Variants in RETREG1 observed in about 807,000 individuals in gnomAD.
RETREG1 encodes family with sequence similarity 134 member B.
Under a neutral mutation model 54.8 loss-of-function variants are expected in RETREG1, and 44 were observed. The observed-to-expected ratio is 0.80, with a 90% CI of 0.63 to 1.03. RETREG1 has a LOEUF of 1.03. RETREG1 is among the 50% of genes least tolerant of loss of function. The probability of loss-of-function intolerance (pLI) is 0.00; values close to 1 mark genes in which losing one functional copy is unlikely to be tolerated. For synonymous variants in RETREG1, 217 were observed against 238.5 expected, an observed-to-expected ratio of 0.91 and a Z score of 0.83; for missense variants, 554 against 605.1, an observed-to-expected ratio of 0.92 and a Z score of 0.89.
intron 3 of RETREG1, among the ~76,000 whole-genome samples, chr5:16,519,015 A>G (rs558606892): frequency 6.1e-4 from 93 of 152,338 alleles, no homozygotes; most frequent in African/African-American, 2.2e-3. Context: ...GTGGAAGAGG[A>G]TATTTTTCTC....
At chr5:16,506,120 G>A (rs1008150293) in intron 3 of RETREG1, among the ~76,000 whole-genome samples, 4 of 152,230 alleles carry the variant, frequency 2.6e-5, no homozygotes, top group African/African-American at 7.2e-5. Context: ...GGCACGCATG[G>A]CAGTCTGCCC....
At chr5:16,520,327 T>C (rs1740493488) in intron 3 of RETREG1, among the ~76,000 whole-genome samples, 1 of 151,236 alleles carries the variant, frequency 6.6e-6, no homozygotes. Flanking sequence ...GTTTTTTTTT[T>C]GTTGTTGTTG....
rs386403108 is a variant in RETREG1 at position 16,527,800 on chromosome 5, A to ATTTTTTTTTTTTTTT, written c.458+37948_458+37962dup. Among the ~76,000 whole-genome samples, 367 of 66,248 alleles carry ATTTTTTTTTTTTTTT rather than the reference A, an allele frequency of 5.5e-3. 90 individuals carry two copies. Among genetic ancestry groups the ATTTTTTTTTTTTTTT allele is most frequent in the East Asian group, 0.01 (18 of 1,796 alleles). The allele number at this position is 66,248 out of a possible 152,430, so 43.5% of individuals were successfully genotyped here. A position where few individuals can be genotyped will look rare whatever the true frequency, so the allele number is the denominator to read the frequency against. On this transcript the variant is annotated intron_variant, in intron 3 of 8. Transcript: ENST00000306320. ...CTTAGTACAATTTCGAGGGACTCTA[A>ATTTTTTTTTTTTTTT]TTTTTTTTTTTTTTTTTTTTTTTTT...
intron 1 of RETREG1, among the ~76,000 whole-genome samples, chr5:16,590,814 A>C (rs1742744238): frequency 6.6e-6 from 1 of 150,714 alleles, no homozygotes; most frequent in African/African-American, 2.5e-5. Context: ...AAAAACACAC[A>C]GACATGCAAA....
chr5:16,522,100 G>A (rs1740551526), intron 3 of RETREG1, among the ~76,000 whole-genome samples: 1 of 152,078 alleles, frequency 6.6e-6, no homozygotes, highest in Non-Finnish European at 1.5e-5. Flanking sequence ...ATGGGGCTTG[G>A]GAAATGTGTT....
At chr5:16,551,556 A>G (rs776291341) in intron 3 of RETREG1, among the ~76,000 whole-genome samples, 1 of 152,094 alleles carries the variant, frequency 6.6e-6, no homozygotes, top group Non-Finnish European at 1.5e-5. Flanking sequence ...CCTCCCAAAA[A>G]TGTTACCACC....
intron 3 of RETREG1, among the ~76,000 whole-genome samples, chr5:16,518,731 G>A (rs1051958253): frequency 6.6e-6 from 1 of 152,152 alleles, no homozygotes; most frequent in Non-Finnish European, 1.5e-5. Flanking sequence ...TCAAGTCAGA[G>A]CACAGAGTCC....
At chr5:16,570,740 C>T (rs1390916086) in intron 2 of RETREG1, among the ~76,000 whole-genome samples, 1 of 152,192 alleles carries the variant, frequency 6.6e-6, no homozygotes, top group Non-Finnish European at 1.5e-5. Context: ...CATGGAGATG[C>T]CCCACCTCAA....
Position 16,585,830 on chromosome 5 carries a change from G to A in RETREG1, c.321-13728C>T, listed in dbSNP as rs1742613165. 6.6e-6 allele frequency among the ~76,000 whole-genome samples: 1 copy of A among 152,064 alleles called. No homozygotes were observed. The highest frequency in any genetic ancestry group is 1.5e-5 in the Non-Finnish European group (1 of 68,016). The stretch of plus-strand genomic sequence containing the variant: ...ATGGTGGGAGCAGTGGCAAGAGGGA[G>A]TGTGGGGAGGGGGTGCCACATATTT... On this transcript the variant is annotated intron_variant, in intron 1 of 8. Transcript: ENST00000306320. This position sits in a 1 kb window ranked among gnomAD's most constrained non-coding sequence, Gnocchi z 4.5.
chr5:16,480,185 C>T (rs1019976092), intron 5 of RETREG1, among the ~76,000 whole-genome samples: 7 of 151,952 alleles, frequency 4.6e-5, no homozygotes, highest in Admixed American at 1.3e-4. Context: ...CAACCACTGA[C>T]CTGCTTTGTC....
intron 1 of RETREG1, among the ~76,000 whole-genome samples, chr5:16,584,257 AT>A (rs1221257167): frequency 6.6e-6 from 1 of 152,180 alleles, no homozygotes; most frequent in African/African-American, 2.4e-5. Context: ...AGGTAATCAA[AT>A]GCCACCTGTT....
intron 3 of RETREG1, among the ~76,000 whole-genome samples, chr5:16,492,994 C>T (rs1266839215): frequency 6.6e-6 from 1 of 152,182 alleles, no homozygotes; most frequent in Non-Finnish European, 1.5e-5. Context: ...GACCAGAAGG[C>T]GCCAGTGAGT....
intron 3 of RETREG1, among the ~76,000 whole-genome samples, chr5:16,519,976 C>G (rs1232240747): frequency 6.6e-6 from 1 of 152,174 alleles, no homozygotes; most frequent in Non-Finnish European, 1.5e-5. Flanking sequence ...CTGTCCAGTC[C>G]GTGCCACCCC....
At chr5:16,529,443 C>T in intron 3 of RETREG1, among the ~76,000 whole-genome samples, 1 of 152,082 alleles carries the variant, frequency 6.6e-6, no homozygotes, top group East Asian at 1.9e-4. Flanking sequence ...TGTTTGCTGT[C>T]CAGGTAAATA....
At chr5:16,600,520 G>A (rs1377424755) in intron 1 of RETREG1, among the ~76,000 whole-genome samples, 1 of 152,172 alleles carries the variant, frequency 6.6e-6, no homozygotes, top group Admixed American at 6.5e-5. Context: ...CATTCTGATG[G>A]GGACCCCCAC....
At chr5:16,483,825 T>C (rs960722803) in intron 3 of RETREG1, among the ~76,000 whole-genome samples, 6 of 152,060 alleles carry the variant, frequency 3.9e-5, no homozygotes, top group Non-Finnish European at 8.8e-5. Context: ...GCAGAAGCCC[T>C]GGAGTGGGAA....
intron 3 of RETREG1, among the ~76,000 whole-genome samples, chr5:16,507,888 A>G (rs971756038): frequency 6.6e-6 from 1 of 152,232 alleles, no homozygotes; most frequent in South Asian, 2.1e-4. Context: ...TAGAATTCCA[A>G]TGAAGGCATC....
chr5:16,559,225 C>T (rs573630413), intron 3 of RETREG1, among the ~76,000 whole-genome samples: 2 of 152,302 alleles, frequency 1.3e-5, no homozygotes, highest in Non-Finnish European at 2.9e-5. Flanking sequence ...AGAATCAGGG[C>T]CACACAACTG....
intron 1 of RETREG1, among the ~76,000 whole-genome samples, chr5:16,613,091 CA>C (rs1184141757): frequency 4.6e-5 from 5 of 109,846 alleles, no homozygotes; most frequent in Admixed American, 4.1e-4. Context: ...GATACTTCTA[CA>C]AAGTATTTTT....
Sources: allele counts gnomAD v4.1 joint callset (sites outside exome capture counted in the v4.1 genomes callset), GRCh38; gene constraint gnomAD v4.1.1; non-coding constraint Gnocchi (gnomAD v3.1); transcripts MANE v1.5; gene names NCBI Gene and HGNC (gene_info 2026-07-23, HGNC 2026-07-21).